TCF20: variants seen among roughly 807,000 people sequenced by gnomAD.
The protein encoded by TCF20 is SPRE-binding protein.
TCF20 carries 3 observed loss-of-function variants against 148.6 expected under a neutral mutation model. That is an observed-to-expected ratio of 0.02 (90% CI 0.01 to 0.05). The LOEUF (loss-of-function observed/expected upper bound fraction) is 0.05, where lower values mean the gene tolerates loss of function less well. Ranked by LOEUF, TCF20 falls within the 10% of genes least tolerant of loss-of-function variation. TCF20 has a pLI of 1.00. For synonymous variants in TCF20, 1,049 were observed against 909.5 expected (o/e 1.15, Z -2.76); for missense variants, 2,350 against 2,429.3 (o/e 0.97, Z 0.69).
In TCF20 at chr22:42,211,924, A is replaced by G; in HGVS notation, c.3382T>C (p.Phe1128Leu). ...GPRKSPRQQQFLDRVRSPLKN... is the reference protein window; with the variant it reads ...GPRKSPRQQQLLDRVRSPLKN... ...AGAGGGCTCCGTACTCTGTCAAGAA[A>G]CTGCTGCTGCCTTGGACTCTTCCGT... Residue 1128 changes from phenylalanine to leucine, a missense_variant, in exon 2 of 6, where the codon TTT becomes CTT. Physicochemically the swap from Phe to Leu is conservative, Grantham distance 22. This residue lies in a region of TCF20 where 1,641 missense variants were observed against 1,662.6 expected (regional missense o/e 0.99). Transcript: ENST00000677622. 1 of 1,614,028 alleles carries G rather than the reference A, an allele frequency of 6.2e-7. No homozygotes were observed. The highest frequency in any genetic ancestry group is 1.1e-5 in the South Asian group (1 of 91,060).
intron 2 of TCF20, among the ~76,000 whole-genome samples, chr22:42,192,166 C>T (rs544406963): frequency 3.3e-4 from 50 of 152,260 alleles, no homozygotes; most frequent in African/African-American, 1.2e-3. Context: ...TGGGTCTGTG[C>T]TTCCAGAAAG....
chr22:42,229,585 A>T (rs959593807), intron 1 of TCF20, among the ~76,000 whole-genome samples: 3 of 152,154 alleles, frequency 2.0e-5, no homozygotes, highest in African/African-American at 7.2e-5. Flanking sequence ...AGGGTGCGTA[A>T]CAACAGGTTT....
At chr22:42,341,759 A>G (rs1321282059) in intron 1 of TCF20, among the ~76,000 whole-genome samples, 2 of 112,372 alleles carry the variant, frequency 1.8e-5, no homozygotes, top group African/African-American at 6.5e-5. Flanking sequence ...CAGCTCTCCC[A>G]GTCTGGATCA....
rs1937780060 is a variant in TCF20 at position 42,198,902 on chromosome 22, T to C, written c.5655+10749A>G. Among the ~76,000 whole-genome samples, 3 of 152,270 alleles carry C rather than the reference T, an allele frequency of 2.0e-5. No individual in the cohort carries two copies. The South Asian group carries it at 6.2e-4, about 32-fold the overall frequency. On this transcript the variant is annotated intron_variant, in intron 2 of 5. Transcript: ENST00000677622. Reference sequence around the variant, plus strand: ...CTGGTCTTGAACTCCTGACCTCAGGTGATCTGCCCACCTTGGCCTCCCAAG... The same window carrying C: ...CTGGTCTTGAACTCCTGACCTCAGGCGATCTGCCCACCTTGGCCTCCCAAG...
intron 1 of TCF20, among the ~76,000 whole-genome samples, chr22:42,233,483 A>G (rs1282593063): frequency 6.6e-6 from 1 of 152,224 alleles, no homozygotes; most frequent in Non-Finnish European, 1.5e-5. Context: ...TTCTGCGTGA[A>G]TAATACCAGC....
intron 1 of TCF20, among the ~76,000 whole-genome samples, chr22:42,310,282 T>C (rs144389821): frequency 2.0e-4 from 31 of 152,328 alleles, no homozygotes; most frequent in African/African-American, 5.8e-4. Context: ...CACATTCATC[T>C]AACACTTGCT....
In TCF20 at chr22:42,212,891, G is replaced by A; in HGVS notation, c.2415C>T (p.Asn805=). The change falls in exon 2 of 6, where the codon AAC becomes AAT. Residue 805 remains asparagine, a synonymous_variant. Coordinates refer to ENST00000677622, the MANE Select transcript of TCF20 (RefSeq NM_001378418.1). The stretch of plus-strand genomic sequence containing the variant: ...TTTCTAATAGAGACCCAATGCTTTT[G>A]TTCAGAAGGCCCCTGCTAGCTAATT... The part of the protein sequence containing the change: ...TNELASRGLL[N]KSIGSLLENP... 1 of 1,614,126 alleles carries A rather than the reference G, an allele frequency of 6.2e-7. No homozygotes were observed. Among genetic ancestry groups the A allele is most frequent in the Non-Finnish European group, 8.5e-7 (1 of 1,180,008 alleles).
At chr22:42,301,575 C>T (rs1927336863) in intron 1 of TCF20, among the ~76,000 whole-genome samples, 2 of 152,166 alleles carry the variant, frequency 1.3e-5, no homozygotes, top group Admixed American at 1.3e-4. Flanking sequence ...CAAAGTGATT[C>T]GACAGGCGGA....
At chr22:42,308,473 C>T (rs1927474655) in intron 1 of TCF20, among the ~76,000 whole-genome samples, 1 of 152,068 alleles carries the variant, frequency 6.6e-6, no homozygotes, top group Non-Finnish European at 1.5e-5. Flanking sequence ...CTAATGTCAC[C>T]CCCATTTTAC....
rs1921468354 is a variant in TCF20 at position 42,214,482 on chromosome 22, T to C, written c.824A>G (p.His275Arg). 3.7e-6 allele frequency: 6 copies of C among 1,614,092 alleles called. No individual in the cohort carries two copies. Among genetic ancestry groups the C allele is most frequent in the Non-Finnish European group, 2.5e-6 (3 of 1,180,046 alleles). ...NVNAGSQYEG[H>R]NVGSNAQAYG... ...AGCCTGTGCATTAGAACCCACATTG[T>C]GTCCTTCATACTGAGATCCAGCATT... Residue 275 changes from histidine (H) to arginine (R), a missense_variant, in exon 2 of 6, where the codon CAC becomes CGC. By Grantham distance (29) the His-to-Arg change is conservative (BLOSUM62 0). Transcript: ENST00000677622.
intron 1 of TCF20, among the ~76,000 whole-genome samples, chr22:42,277,920 C>T (rs1402424060): frequency 6.6e-6 from 1 of 152,244 alleles, no homozygotes; most frequent in Non-Finnish European, 1.5e-5. Context: ...TCCTCATCAG[C>T]CAGGCCAGTG....
intron 1 of TCF20, among the ~76,000 whole-genome samples, chr22:42,340,888 C>G (rs1427796644): frequency 7.3e-6 from 1 of 136,628 alleles, no homozygotes; most frequent in African/African-American, 2.6e-5. Flanking sequence ...GGGAAGCCCC[C>G]CCCCCCACCC....
upstream of TCF20, among the ~76,000 whole-genome samples, chr22:42,286,976 G>A (rs571168157): frequency 5.9e-5 from 9 of 152,238 alleles, no homozygotes; most frequent in East Asian, 5.8e-4. Context: ...ATGCAGAGAA[G>A]GGCCTTGAAA....
At chr22:42,256,144 G>A (rs1925730424) in intron 1 of TCF20, among the ~76,000 whole-genome samples, 1 of 152,092 alleles carries the variant, frequency 6.6e-6, no homozygotes, top group African/African-American at 2.4e-5. Flanking sequence ...TTGATCAGGA[G>A]GGAGCAGCCT....
chr22:42,306,134 C>T (rs558650277), intron 1 of TCF20, among the ~76,000 whole-genome samples: 1 of 152,376 alleles, frequency 6.6e-6, no homozygotes, highest in East Asian at 1.9e-4. Flanking sequence ...TCGCCACCCC[C>T]GCCTCAAGCT....
chr22:42,213,061 A>G lies in TCF20; in HGVS notation c.2245T>C (p.Phe749Leu). 1 of 1,613,904 alleles carries G rather than the reference A, an allele frequency of 6.2e-7. No individual in the cohort carries two copies. The highest frequency in any genetic ancestry group is 8.5e-7 in the Non-Finnish European group (1 of 1,179,938). Residue 749 changes from phenylalanine to leucine, a missense_variant, in exon 2 of 6, where the codon TTC (phenylalanine) becomes CTC (leucine). By Grantham distance (22) the Phe-to-Leu change is conservative. Transcript: ENST00000677622. ...HGERKGRNEK[F>L]PSLLQEVLQG... ...AGCACTTCCTGCAGGAGGCTTGGGA[A>G]TTTTTCATTTCTACCCTTTCGTTCC...
At chr22:42,306,039 G>C (rs1244591749) in intron 1 of TCF20, among the ~76,000 whole-genome samples, 1 of 152,228 alleles carries the variant, frequency 6.6e-6, no homozygotes, top group Admixed American at 6.5e-5. Context: ...GGTGAGGCTT[G>C]GTGAGCCCAT....
intron 2 of TCF20, among the ~76,000 whole-genome samples, 184 bp from the exon 3 acceptor site, chr22:42,179,886 A>G (rs1421974697): frequency 6.6e-6 from 1 of 152,218 alleles, no homozygotes; most frequent in African/African-American, 2.4e-5. Flanking sequence ...GAAGGGATCC[A>G]GCAATAATGT....
chr22:42,165,426 C>T (rs754092501), intron 5 of TCF20, among the ~76,000 whole-genome samples: 13 of 152,202 alleles, frequency 8.5e-5, no homozygotes, highest in Non-Finnish European at 1.5e-4. Context: ...TTGTTTAATT[C>T]ACGACAGGAG....
Sources: gnomAD v4.1 joint callset for allele counts (sites outside exome capture counted in the v4.1 genomes callset) on GRCh38, gnomAD v4.1.1 for gene constraint, gnomAD v4.1.1 regional missense constraint, MANE v1.5 for transcripts, NCBI Gene and HGNC (gene_info 2026-07-23, HGNC 2026-07-21) for gene names.